EYS: variants seen among roughly 807,000 people sequenced by gnomAD.
The protein encoded by EYS is protein eyes shut homolog.
EYS carries 250 observed loss-of-function variants against 282.1 expected under a neutral mutation model. The observed-to-expected ratio is 0.89, with a 90% CI of 0.80 to 0.98. EYS has a LOEUF of 0.98. Among genes scored for constraint, EYS ranks in the 50% least tolerant of loss-of-function variants. The pLI, the probability that EYS is intolerant of heterozygous loss-of-function variation, is 0.00. For missense variants in EYS, 4,016 were observed against 3,709.0 expected, an observed-to-expected ratio of 1.08 and a Z score of -2.15; for synonymous variants, 1,355 against 1,282.9, an observed-to-expected ratio of 1.06 and a Z score of -1.20.
In EYS at chr6:64,912,685, C is replaced by T. The variant is rs1354624095; in HGVS notation, c.2440G>A (p.Asp814Asn). ...CCTCCATTCATGCATGGATCAGAGT[C>T]GCATTCATTTATTTCTTCACTACAG... ...QNCSEEINECDSDPCMNGGLC... is the reference protein window; with the variant it reads ...QNCSEEINECNSDPCMNGGLC... The change falls in exon 16 of 43, where the codon GAC (aspartate) becomes AAC (asparagine). Residue 814 changes from aspartate to asparagine, a missense_variant. Coordinates refer to ENST00000503581, the MANE Select transcript of EYS (RefSeq NM_001142800.2). 34 of 1,525,386 alleles carry T rather than the reference C, an allele frequency of 2.2e-5. No individual in the cohort carries two copies. In the East Asian group the frequency reaches 2.7e-4, roughly 12 times the overall value. The allele number at this position is 1,525,386 out of a possible 1,614,324, so 94.5% of individuals were successfully genotyped here. A position where few individuals can be genotyped will look rare whatever the true frequency, so the allele number is the denominator to read the frequency against.
At chr6:64,833,072 C>T (rs558461594) in intron 19 of EYS, among the ~76,000 whole-genome samples, 64 of 151,952 alleles carry the variant, frequency 4.2e-4, no homozygotes, top group African/African-American at 1.5e-3. Flanking sequence ...AATTTTATGG[C>T]TTATTACATA....
chr6:64,740,810 T>C (rs1252605751), intron 22 of EYS, among the ~76,000 whole-genome samples: 1 of 151,788 alleles, frequency 6.6e-6, no homozygotes, highest in Non-Finnish European at 1.5e-5. Flanking sequence ...GCCTCCTGGG[T>C]TCACACCATT....
chr6:63,844,970 T>C (rs1233031818), intron 36 of EYS, among the ~76,000 whole-genome samples: 2 of 152,228 alleles, frequency 1.3e-5, no homozygotes, highest in Non-Finnish European at 2.9e-5. Flanking sequence ...CTAGATTTTC[T>C]TCTAGGGCTT....
chr6:65,477,608 C>T (rs149523886), intron 5 of EYS, among the ~76,000 whole-genome samples: 3 of 152,178 alleles, frequency 2.0e-5, no homozygotes, highest in Non-Finnish European at 2.9e-5. Flanking sequence ...AGCCAATTGA[C>T]GCATTCAATA....
At chr6:64,204,522 A>G (rs142369045) in intron 31 of EYS, among the ~76,000 whole-genome samples, 98 of 152,304 alleles carry the variant, frequency 6.4e-4, no homozygotes, top group African/African-American at 2.0e-3. Flanking sequence ...TCAGAAATAC[A>G]AAGTAATGAA....
intron 2 of EYS, among the ~76,000 whole-genome samples, chr6:65,497,621 C>T (rs932694731): frequency 3.3e-5 from 5 of 151,876 alleles, no homozygotes; most frequent in East Asian, 1.9e-4. Context: ...ATATTTTATT[C>T]GAGAGCAATG....
At chr6:64,828,755 C>T (rs1276825639) in intron 19 of EYS, among the ~76,000 whole-genome samples, 3 of 151,912 alleles carry the variant, frequency 2.0e-5, no homozygotes, top group East Asian at 3.9e-4. Context: ...AGTTGCACTC[C>T]TAAGTTATGT....
intron 1 of EYS, among the ~76,000 whole-genome samples, chr6:65,664,453 G>T (rs1768132578): frequency 1.3e-5 from 2 of 152,154 alleles, no homozygotes; most frequent in Admixed American, 1.3e-4. Flanking sequence ...ATTTTAATAT[G>T]ATAGCTAAGT....
chr6:64,982,722 T>C (rs932450061), intron 14 of EYS, among the ~76,000 whole-genome samples: 1 of 151,224 alleles, frequency 6.6e-6, no homozygotes, highest in African/African-American at 2.4e-5. Flanking sequence ...TTTAAAGTAG[T>C]TATCTCCTAT....
At chr6:64,556,217 G>C (rs1490783991) in intron 26 of EYS, among the ~76,000 whole-genome samples, 1 of 151,872 alleles carries the variant, frequency 6.6e-6, no homozygotes, top group African/African-American at 2.4e-5. Context: ...AAATTGACGA[G>C]AACTGAAACT....
chr6:64,935,106 T>C (rs1345846853), intron 15 of EYS, among the ~76,000 whole-genome samples: 1 of 151,786 alleles, frequency 6.6e-6, no homozygotes, highest in Non-Finnish European at 1.5e-5. Flanking sequence ...AAGAGGTTAC[T>C]TATAATCTAT....
intron 18 of EYS, among the ~76,000 whole-genome samples, chr6:64,896,043 T>G (rs567497728): frequency 1.3e-5 from 2 of 152,186 alleles, no homozygotes; most frequent in East Asian, 3.9e-4. Flanking sequence ...GAACTTATAT[T>G]CAATAAATAC....
intron 15 of EYS, among the ~76,000 whole-genome samples, chr6:64,914,076 A>T (rs1042861183): frequency 3.3e-5 from 5 of 151,998 alleles, no homozygotes; most frequent in African/African-American, 1.2e-4. Flanking sequence ...CAGGAGGGGG[A>T]AAGTGTTTTA....
intron 28 of EYS, among the ~76,000 whole-genome samples, chr6:64,397,138 A>T (rs1773407792): frequency 6.6e-6 from 1 of 152,066 alleles, no homozygotes; most frequent in Non-Finnish European, 1.5e-5. Flanking sequence ...GTAATGAATT[A>T]TGTTTGCTGG....
At chr6:65,092,923 A>G (rs1774617436) in intron 12 of EYS, among the ~76,000 whole-genome samples, 1 of 152,186 alleles carries the variant, frequency 6.6e-6, no homozygotes, top group South Asian at 2.1e-4. Flanking sequence ...TAAAGAAATA[A>G]TAACCAACAA....
chr6:63,840,953 T>G (rs891907393), intron 36 of EYS, among the ~76,000 whole-genome samples: 11 of 152,202 alleles, frequency 7.2e-5, no homozygotes, highest in African/African-American at 2.7e-4. Context: ...TTGACTATAT[T>G]TTGAAGTCAG....
chr6:64,912,502 G>A lies in EYS; in HGVS notation c.2623C>T (p.His875Tyr). 6.4e-7 allele frequency: 1 copy of A among 1,550,936 alleles called. No homozygotes were observed. Among genetic ancestry groups the A allele is most frequent in the Admixed American group, 2.0e-5 (1 of 50,974 alleles). The stretch of plus-strand genomic sequence containing the variant: ...CTCTTACCTTCTCTACAAATACAAT[G>A]CTGATTTGCGTCTACCAAAGCTAAG... ...TCLALVDANQ[H>Y]CICREEFEGK... Residue 875 changes from histidine (H) to tyrosine (Y), a missense_variant, in exon 16 of 43, where the codon CAT (histidine) becomes TAT (tyrosine). Transcript: ENST00000503581.
chr6:63,886,823 C>T (rs1471952836), intron 35 of EYS, among the ~76,000 whole-genome samples: 2 of 151,942 alleles, frequency 1.3e-5, no homozygotes, highest in Non-Finnish European at 2.9e-5. Flanking sequence ...TTCAAAAGTG[C>T]AAAAAGTACA....
chr6:64,577,500 TCACACACA>T (rs137964045), intron 26 of EYS, among the ~76,000 whole-genome samples: 3 of 150,594 alleles, frequency 2.0e-5, no homozygotes, highest in African/African-American at 7.3e-5. Flanking sequence ...ACACACACAC[TCACACACA>T]CACACAGACA....
Sources: allele counts gnomAD v4.1 joint callset (sites outside exome capture counted in the v4.1 genomes callset), GRCh38; gene constraint gnomAD v4.1.1; transcripts MANE v1.5; gene names NCBI Gene and HGNC (gene_info 2026-07-23, HGNC 2026-07-21).